The following TNS1 variants were observed in gnomAD, a reference collection of about 807,000 sequenced individuals.
TNS1 encodes tensin-1.
TNS1 carries 62 observed loss-of-function variants against 168.6 expected under a neutral mutation model. That is an observed-to-expected ratio of 0.37 (90% CI 0.30 to 0.45). The LOEUF (loss-of-function observed/expected upper bound fraction) is 0.45. Among genes scored for constraint, TNS1 ranks in the 20% least tolerant of loss-of-function variants. The pLI, the probability that TNS1 is intolerant of heterozygous loss-of-function variation, is 1.00. For missense variants in TNS1, 2,240 were observed against 2,339.4 expected (o/e 0.96, Z 0.88); for synonymous variants, 934 against 933.2 (o/e 1.00, Z -0.02).
At chr2:217,850,562 C>T (rs890703682) in intron 18 of TNS1, 4 of 983,428 alleles carry the variant, frequency 4.1e-6, no homozygotes, top group Admixed American at 6.3e-5. Flanking sequence ...CAGTCAGCAG[C>T]CCAGCCACCA....
In TNS1 at chr2:217,897,941, C is replaced by G; in HGVS notation, c.400G>C (p.Asp134His). Residue 134 changes from aspartate to histidine, a missense_variant, in exon 8 of 33, where the codon GAC becomes CAC. By Grantham distance (81) the Asp-to-His change is moderately conservative. Transcript: ENST00000682258. ...TACACCAGGTCCAGCTCACAGCTGT[C>G]CTCCATGGTCCGGCTCACACTCATG... ...RNMSVSRTME[D>H]SCELDLVYVT... 6.3e-7 allele frequency: 1 copy of G among 1,578,932 alleles called. No individual in the cohort carries two copies. Among genetic ancestry groups the G allele is most frequent in the Non-Finnish European group, 8.6e-7 (1 of 1,157,398 alleles).
At chr2:217,838,294 T>G in intron 19 of TNS1, among the ~76,000 whole-genome samples, 1 of 152,226 alleles carries the variant, frequency 6.6e-6, no homozygotes, top group East Asian at 1.9e-4. Context: ...CAAAGAACAT[T>G]CTGCCCAACC....
Position 217,991,032 on chromosome 2 carries a change from T to C in TNS1, c.58A>G (p.Thr20Ala), listed in dbSNP as rs1265816209. 2 of 686,394 alleles carry C rather than the reference T, an allele frequency of 2.9e-6. No individual in the cohort carries two copies. The highest frequency in any genetic ancestry group is 5.4e-6 in the Non-Finnish European group (2 of 372,928). 42.5% of individuals were successfully genotyped at this position (686,394 alleles called of 1,614,324 possible). Reference protein sequence around the residue: ...LWPEDLEAPKTHRFKVKTFKK... With the variant: ...LWPEDLEAPKAHRFKVKTFKK... ...AAGGTCTTCACCTTGAAGCGGTGTG[T>C]CTTGGGGGCCTCCAGATCCTCTGGC... Residue 20 changes from threonine (T) to alanine (A), a missense_variant, in exon 2 of 33, where the codon ACA becomes GCA. Around this residue, in one of 2 missense-constraint regions of TNS1, gnomAD observed 2,131 missense variants for 2,171.2 expected, o/e 0.98. Coordinates refer to ENST00000682258, the MANE Select transcript of TNS1 (RefSeq NM_001387777.1).
chr2:217,934,330 G>A (rs1956486201), intron 3 of TNS1, among the ~76,000 whole-genome samples: 1 of 152,170 alleles, frequency 6.6e-6, no homozygotes, highest in Admixed American at 6.5e-5. Context: ...TGCTGGCCGG[G>A]ACCCCCAGCT....
At chr2:217,901,453 C>A (rs932200288) in intron 6 of TNS1, among the ~76,000 whole-genome samples, 1 of 152,130 alleles carries the variant, frequency 6.6e-6, no homozygotes, top group Non-Finnish European at 1.5e-5. Flanking sequence ...AGGGTAGTTA[C>A]AACCAAACAT....
chr2:217,939,653 C>CT (rs1956809614), intron 3 of TNS1, among the ~76,000 whole-genome samples: 1 of 152,234 alleles, frequency 6.6e-6, no homozygotes, highest in African/African-American at 2.4e-5. Context: ...CCCCTGACCC[C>CT]CATCAGCTCC....
chr2:217,831,330 G>T, intron 22 of TNS1, 125 bp downstream of exon 22: 1 of 779,220 alleles, frequency 1.3e-6, no homozygotes, highest in Non-Finnish European at 2.0e-6. Flanking sequence ...CCCAACCCAG[G>T]CCTGACCTCA....
chr2:217,916,716 G>C (rs1955050306), intron 4 of TNS1, among the ~76,000 whole-genome samples: 1 of 152,182 alleles, frequency 6.6e-6, no homozygotes, highest in Non-Finnish European at 1.5e-5. Flanking sequence ...GCTGGCCCGG[G>C]CACAGGTTGG....
chr2:217,876,402 G>A (rs980434539), intron 18 of TNS1, among the ~76,000 whole-genome samples: 1 of 152,210 alleles, frequency 6.6e-6, no homozygotes, highest in South Asian at 2.1e-4. Flanking sequence ...CAAAACTGGT[G>A]TTAGCCAGAG....
exon 1 of TNS1, chr2:218,010,341 G>A (rs1958694774): frequency 1.3e-5 from 5 of 395,484 alleles, no homozygotes; most frequent in Non-Finnish European, 2.2e-5. Context: ...GCTCAGCCCC[G>A]GAGGAGCAGC....
chr2:217,842,538 C>T (rs1030769537), intron 19 of TNS1, among the ~76,000 whole-genome samples: 2 of 152,164 alleles, frequency 1.3e-5, no homozygotes, highest in Non-Finnish European at 2.9e-5. Flanking sequence ...AGCACTTCTC[C>T]CCTTTCCATG....
chr2:217,959,579 C>T (rs1957446551), intron 3 of TNS1, among the ~76,000 whole-genome samples: 1 of 152,052 alleles, frequency 6.6e-6, no homozygotes, highest in Non-Finnish European at 1.5e-5. Flanking sequence ...GGAACCCTAG[C>T]CTGGAACCCG....
chr2:218,020,927 G>C (rs1958801924), intron 1 of TNS1, among the ~76,000 whole-genome samples: 1 of 152,244 alleles, frequency 6.6e-6, no homozygotes, highest in African/African-American at 2.4e-5. Flanking sequence ...GCAGGAAGAA[G>C]CTGCAAGATA....
chr2:217,884,681 A>G (rs1951024210), intron 16 of TNS1, among the ~76,000 whole-genome samples: 1 of 151,936 alleles, frequency 6.6e-6, no homozygotes, highest in African/African-American at 2.4e-5. Flanking sequence ...TCCTAGCCCA[A>G]AGCAGATGCC....
intron 19 of TNS1, chr2:217,841,322 TG>T: frequency 1.0e-6 from 1 of 968,854 alleles, no homozygotes; most frequent in Non-Finnish European, 1.2e-6. Context: ...CAGCAGGGAG[TG>T]GGAGGCAGGA....
At chr2:217,885,982 G>T in intron 14 of TNS1, 62 bp downstream of exon 14, 1 of 1,594,024 alleles carries the variant, frequency 6.3e-7, no homozygotes, top group African/African-American at 1.3e-5. Context: ...CCAACCTTCT[G>T]ACCTGGTCCT....
In TNS1 at chr2:217,813,048, G is replaced by A. The variant is rs1173493053; in HGVS notation, c.4954+167C>T. ...CTGCAGTTTGGCAGAGTTAGGAGCC[G>A]CACTGCGGAGGGAGAGAAGCTTTCA... On this transcript the variant is annotated intron_variant, in intron 27 of 32. Transcript: ENST00000682258. This position sits in a 1 kb window ranked among gnomAD's most constrained non-coding sequence, Gnocchi z 4.0. 6.6e-6 allele frequency among the ~76,000 whole-genome samples: 1 copy of A among 152,222 alleles called. No homozygotes were observed. Among genetic ancestry groups the A allele is most frequent in the African/African-American group, 2.4e-5 (1 of 41,466 alleles).
intron 7 of TNS1, among the ~76,000 whole-genome samples, chr2:217,899,907 T>G (rs1342253225): frequency 1.3e-5 from 2 of 152,116 alleles, no homozygotes; most frequent in Non-Finnish European, 2.9e-5. Context: ...CCTCAGTGGG[T>G]GAAGGTGAGG....
upstream of TNS1, among the ~76,000 whole-genome samples, chr2:218,004,977 A>T (rs755440309): frequency 6.6e-6 from 1 of 152,222 alleles, no homozygotes; most frequent in Non-Finnish European, 1.5e-5. Context: ...CCCTGGCTGG[A>T]GCACCAGGCA....
Sources: allele counts gnomAD v4.1 joint callset (sites outside exome capture counted in the v4.1 genomes callset), GRCh38; gene constraint gnomAD v4.1.1; regional missense constraint gnomAD v4.1.1; non-coding constraint Gnocchi (gnomAD v3.1); transcripts MANE v1.5; gene names NCBI Gene and HGNC (gene_info 2026-07-23, HGNC 2026-07-21).